ZNF320: variants seen among roughly 807,000 people sequenced by gnomAD.
ZNF320 encodes zinc finger protein 320, also known as zinc finger gene 320.
A neutral mutation model predicts 6.8 loss-of-function variants in ZNF320; 2 were observed. The observed-to-expected ratio is 0.29, with a 90% CI of 0.12 to 0.93. ZNF320 has a LOEUF of 0.93. Among genes scored for constraint, ZNF320 ranks in the 40% least tolerant of loss-of-function variants. The pLI, the probability that ZNF320 is intolerant of heterozygous loss-of-function variation, is 0.55. For missense variants in ZNF320, 472 were observed against 611.0 expected (o/e 0.77, Z 2.40); for synonymous variants, 208 against 203.2 (o/e 1.02, Z -0.20).
downstream of ZNF320, among the ~76,000 whole-genome samples, chr19:52,860,452 A>G (rs1237436212): frequency 1.3e-5 from 2 of 151,878 alleles, no homozygotes; most frequent in Non-Finnish European, 2.9e-5. Flanking sequence ...TGCAACAATT[A>G]GCCAGGCCTG....
In ZNF320 at chr19:52,887,013, A is replaced by AAAGAAAAC. The variant is rs57262460; in HGVS notation, c.142+1113_142+1114insGTTTTCTT. Among the ~76,000 whole-genome samples, 574 of 143,334 alleles carry AAAGAAAAC rather than the reference A, an allele frequency of 4.0e-3. 5 individuals carry two copies. The highest frequency in any genetic ancestry group is 0.01 in the African/African-American group (384 of 38,194). The allele number at this position is 143,334 out of a possible 152,430, so 94.0% of individuals were successfully genotyped here. On this transcript the variant is annotated intron_variant, in intron 5 of 5. Transcript: ENST00000682928. ...AGGAAGGAAGGAAGGAAGGAAAAGA[A>AAAGAAAAC]AAAACAAAACAAAAGAAAAGAAAAG...
upstream of ZNF320, among the ~76,000 whole-genome samples, chr19:52,899,493 C>T (rs967297407): frequency 6.6e-6 from 1 of 152,128 alleles, no homozygotes; most frequent in East Asian, 1.9e-4. Flanking sequence ...GATGGAGTCT[C>T]GCTCTGTCAC....
chr19:52,877,167 G>A lies in ZNF320; in HGVS notation c.*3429C>T, dbSNP rs185611399. 1.3e-5 allele frequency: 2 copies of A among 152,190 alleles called. No homozygotes were observed. Among genetic ancestry groups the A allele is most frequent in the East Asian group, 1.9e-4 (1 of 5,172 alleles). 9.4% of individuals were successfully genotyped at this position (152,190 alleles called of 1,614,324 possible). A position where few individuals can be genotyped will look rare whatever the true frequency, so the allele number is the denominator to read the frequency against. ...GGGTCTGGGGACAGGGAGAGTCTAAGGCCAATTAACACGAACCTCAGGAGG... is the reference window on the plus strand; with the variant it reads ...GGGTCTGGGGACAGGGAGAGTCTAAAGCCAATTAACACGAACCTCAGGAGG... On this transcript the variant is annotated 3_prime_UTR_variant, in exon 6 of 6. Transcript: ENST00000682928.
At chr19:52,863,380 C>T (rs143595390) in exon 6 of ZNF320, among the ~76,000 whole-genome samples, 17,193 of 151,934 alleles carry the variant, frequency 0.11, 1,284 homozygotes, top group South Asian at 0.2. Flanking sequence ...AGGTGGATCA[C>T]GAGGTCAGGA....
chr19:52,898,798 A>G (rs975738354), upstream of ZNF320, among the ~76,000 whole-genome samples: 2 of 152,234 alleles, frequency 1.3e-5, no homozygotes, highest in Non-Finnish European at 2.9e-5. Context: ...GTTCTTCTAT[A>G]CAATGTCTGG....
chr19:52,880,711 T>C lies in ZNF320; in HGVS notation c.1415A>G (p.His472Arg), dbSNP rs758038010. The change falls in exon 6 of 6, where the codon CAT (histidine) becomes CGT (arginine). Residue 472 changes from histidine to arginine, a missense_variant. Physicochemically the swap from His to Arg is conservative, Grantham distance 29. This residue lies in a region of ZNF320 where 462 missense variants were observed against 559.7 expected (regional missense o/e 0.83). Coordinates refer to ENST00000682928, the MANE Select transcript of ZNF320 (RefSeq NM_001351774.2). ...CAGACTAAAGACCTTGCCACACTGA[T>C]GACATTTGTAAGATTTCTGTCCAGT... is the stretch of plus-strand genomic sequence containing the variant. ...IHTGQKSYKC[H>R]QCGKVFSLRS... is the part of the protein sequence containing the mutation. 52 of 1,613,822 alleles carry C rather than the reference T, an allele frequency of 3.2e-5. 1 individual carries two copies. The highest frequency in any genetic ancestry group is 2.4e-4 in the South Asian group (22 of 91,082).
At chr19:52,895,071 C>T (rs1360244237) in intron 1 of ZNF320, 1 of 152,208 alleles carries the variant, frequency 6.6e-6, no homozygotes, top group Non-Finnish European at 1.5e-5. Flanking sequence ...TTGAGGGAGA[C>T]ATTTACTTAG....
chr19:52,881,250 C>G lies in ZNF320; in HGVS notation c.876G>C (p.Lys292Asn), dbSNP rs1433519953. The change falls in exon 6 of 6, where the codon AAG becomes AAC. Residue 292 changes from lysine to asparagine, a missense_variant. Lys to Asn is a moderately conservative substitution (Grantham distance 94). This residue lies in a region of ZNF320 where 462 missense variants were observed against 559.7 expected (regional missense o/e 0.83). Coordinates refer to ENST00000682928, the MANE Select transcript of ZNF320 (RefSeq NM_001351774.2). ...FARNSVLVIH[K>N]AVHTAEKPYK... ...AGGGTTTCTCTGCAGTATGAACTGC[C>G]TTATGAATTACGAGGACTGAATTTC... is the stretch of plus-strand genomic sequence containing the variant. 6.8e-6 allele frequency: 11 copies of G among 1,613,808 alleles called. No individual in the cohort carries two copies. Among genetic ancestry groups the G allele is most frequent in the Non-Finnish European group, 9.3e-6 (11 of 1,180,000 alleles).
At chr19:52,901,985 T>C (rs1249082255), upstream of ZNF320, among the ~76,000 whole-genome samples, 1 of 149,206 alleles carries the variant, frequency 6.7e-6, no homozygotes, top group Non-Finnish European at 1.5e-5. Context: ...GGGCTGGGGC[T>C]GACATGAGTT....
rs1025086396 is a variant in ZNF320, at chr19:52,896,464, T to A, written c.-270+1056A>T. Among the ~76,000 whole-genome samples, 2 of 152,072 alleles carry A rather than the reference T, an allele frequency of 1.3e-5. 1 individual carries two copies. The highest frequency in any genetic ancestry group is 1.3e-4 in the Admixed American group (2 of 15,262). ...TGGCTCATGCCTGTAATTCCAGCAT[T>A]TTGGGAGGGCGATACAGCTGGATCG... On this transcript the variant is annotated intron_variant, in intron 1 of 5. Coordinates refer to ENST00000682928, the MANE Select transcript of ZNF320 (RefSeq NM_001351774.2).
downstream of ZNF320, among the ~76,000 whole-genome samples, chr19:52,873,249 A>G (rs753489916): frequency 6.6e-6 from 1 of 152,218 alleles, no homozygotes; most frequent in African/African-American, 2.4e-5. Flanking sequence ...CCATAAGGCC[A>G]TATCTCAGGC....
intron 1 of ZNF320, chr19:52,895,067 G>A (rs1250115491): frequency 6.6e-6 from 1 of 152,178 alleles, no homozygotes; most frequent in Non-Finnish European, 1.5e-5. Context: ...GAACTTGAGG[G>A]AGACATTTAC....
Position 52,887,291 on chromosome 19 carries a change from C to T in ZNF320, c.142+836G>A, listed in dbSNP as rs143845709. On this transcript the variant is annotated intron_variant, in intron 5 of 5. Coordinates refer to ENST00000682928, the MANE Select transcript of ZNF320 (RefSeq NM_001351774.2). ...ACTCTCCACAGTCCAGGGCTCTTTC[C>T]CTTGCTCCAACATGGAGATAACAGG... is the stretch of plus-strand genomic sequence containing the variant. Among the ~76,000 whole-genome samples, 73 of 152,248 alleles carry T rather than the reference C, an allele frequency of 4.8e-4. 1 individual carries two copies. The East Asian group carries it at 0.011, about 24-fold the overall frequency.
chr19:52,894,266 T>G (rs11670922), intron 1 of ZNF320: 31,966 of 151,438 alleles, frequency 0.21, 3,663 homozygotes, highest in South Asian at 0.3. Flanking sequence ...GCTCCTGTAG[T>G]CCCAGGTACT....
chr19:52,880,171 ACCCAG>A lies in ZNF320; in HGVS notation c.*420_*424del, dbSNP rs1372908988. On this transcript the variant is annotated 3_prime_UTR_variant, in exon 6 of 6. Coordinates refer to ENST00000682928, the MANE Select transcript of ZNF320 (RefSeq NM_001351774.2). Reference sequence around the variant, plus strand: ...AGACCATCCTAGCTAACACGGTGAAACCCAGTCTCTACTAAAAATACAAAAAATTA... The same window carrying A: ...AGACCATCCTAGCTAACACGGTGAAATCTCTACTAAAAATACAAAAAATTA... 1 of 155,494 alleles carries A rather than the reference ACCCAG, an allele frequency of 6.4e-6. No homozygotes were observed. The highest frequency in any genetic ancestry group is 2.4e-5 in the African/African-American group (1 of 41,420). The allele number at this position is 155,494 out of a possible 1,614,324, so 9.6% of individuals were successfully genotyped here.
At chr19:52,899,311 GT>G (rs2064556820), upstream of ZNF320, among the ~76,000 whole-genome samples, 1 of 152,112 alleles carries the variant, frequency 6.6e-6, no homozygotes, top group African/African-American at 2.4e-5. Flanking sequence ...ACGGGTACAT[GT>G]GTCAGTTTTG....
At chr19:52,889,731 T>G (rs1375253435) in intron 4 of ZNF320, among the ~76,000 whole-genome samples, 1 of 152,238 alleles carries the variant, frequency 6.6e-6, no homozygotes, top group Non-Finnish European at 1.5e-5. Flanking sequence ...GAAGTTTCCA[T>G]TCTAATTAGT....
intron 5 of ZNF320, among the ~76,000 whole-genome samples, chr19:52,882,916 G>C (rs1007768329): frequency 6.6e-6 from 1 of 151,934 alleles, no homozygotes; most frequent in African/African-American, 2.4e-5. Context: ...ACTCCACCTT[G>C]GGTGACAGAG....
At position 52,881,604 on chromosome 19, in the gene ZNF320, T is replaced by G. The variant is rs1250472054; in HGVS notation, c.522A>C (p.Ser174=). ...GAATTATCCTATGTATTTCAAGATG[T>G]GATTTGCAACTGAAAACTTTCTCAC... ...EECEKVFSCK[S]HLEIHRIIHT... The change falls in exon 6 of 6, where the codon TCA becomes TCC. Residue 174 remains serine (S), a synonymous_variant. Coordinates refer to ENST00000682928, the MANE Select transcript of ZNF320 (RefSeq NM_001351774.2). 6.2e-7 allele frequency: 1 copy of G among 1,613,946 alleles called. No individual in the cohort carries two copies. The highest frequency in any genetic ancestry group is 8.5e-7 in the Non-Finnish European group (1 of 1,179,938).
Sources: gnomAD v4.1 joint callset for allele counts (sites outside exome capture counted in the v4.1 genomes callset) on GRCh38, gnomAD v4.1.1 for gene constraint, gnomAD v4.1.1 regional missense constraint, MANE v1.5 for transcripts, NCBI Gene and HGNC (gene_info 2026-07-23, HGNC 2026-07-21) for gene names.